The following METTL15 variants were observed in gnomAD, a reference collection of about 807,000 sequenced individuals.
The protein encoded by METTL15 is methyltransferase 15, mitochondrial 12S rRNA N4-cytidine, also known as 12S rRNA N(4)-cytidine methyltransferase METTL15.
Under a neutral mutation model 38.3 loss-of-function variants are expected in METTL15, and 34 were observed. That is an observed-to-expected ratio of 0.89 (90% CI 0.68 to 1.18). The LOEUF (loss-of-function observed/expected upper bound fraction) is 1.18. Among genes scored for constraint, METTL15 ranks in the 50% most tolerant of loss-of-function variants. The probability of loss-of-function intolerance (pLI) is 0.00; values close to 1 mark genes in which losing one functional copy is unlikely to be tolerated. For missense variants in METTL15, 438 were observed against 498.4 expected (o/e 0.88, Z 1.15); for synonymous variants, 162 against 170.9 (o/e 0.95, Z 0.41).
chr11:28,175,422 C>A lies in METTL15; in HGVS notation c.271-35640C>A, dbSNP rs544868947. Among the ~76,000 whole-genome samples the A allele has an allele frequency of 8.2e-4, 125 of 152,202 alleles. 1 individual carries two copies. The Middle Eastern group carries it at 0.014, about 17-fold the overall frequency. On this transcript the variant is annotated intron_variant, in intron 3 of 6. Coordinates refer to ENST00000407364, the MANE Select transcript of METTL15 (RefSeq NM_001113528.2). The stretch of plus-strand genomic sequence containing the variant: ...GTAATAAACATACGTATGCATGTGT[C>A]TTTATAGCAGCATGATTTATAATCC...
At chr11:28,194,370 T>C (rs913828010) in intron 3 of METTL15, among the ~76,000 whole-genome samples, 1 of 151,876 alleles carries the variant, frequency 6.6e-6, no homozygotes, top group Admixed American at 6.6e-5. Context: ...GGCTAATTTT[T>C]TGTATTTTTA....
chr11:28,120,120 T>G (rs898989486), intron 3 of METTL15, among the ~76,000 whole-genome samples: 6 of 151,930 alleles, frequency 3.9e-5, no homozygotes, highest in African/African-American at 7.3e-5. Context: ...TCCAGCTAAT[T>G]TTTTTGTATT....
intron 3 of METTL15, among the ~76,000 whole-genome samples, chr11:28,130,442 A>C (rs1190045160): frequency 6.6e-6 from 1 of 152,212 alleles, no homozygotes; most frequent in East Asian, 1.9e-4. Context: ...CATAATAGTC[A>C]TACTATTTGA....
chr11:28,262,198 A>G (rs957514027), intron 4 of METTL15, among the ~76,000 whole-genome samples: 1 of 152,054 alleles, frequency 6.6e-6, no homozygotes, highest in African/African-American at 2.4e-5. Context: ...AGTGCTAGAA[A>G]GTTTTCTGAT....
chr11:28,214,204 T>G (rs895365891), intron 4 of METTL15, among the ~76,000 whole-genome samples: 1 of 151,860 alleles, frequency 6.6e-6, no homozygotes, highest in African/African-American at 2.4e-5. Flanking sequence ...CTGTCTAATT[T>G]TTTATTTTTA....
intron 5 of METTL15, among the ~76,000 whole-genome samples, chr11:28,387,610 A>C (rs1293520212): frequency 6.6e-6 from 1 of 152,070 alleles, no homozygotes; most frequent in Non-Finnish European, 1.5e-5. Context: ...ACTTCTGGAA[A>C]ACATTTAAAG....
At chr11:28,209,726 C>T (rs192024684) in intron 3 of METTL15, among the ~76,000 whole-genome samples, 13 of 151,936 alleles carry the variant, frequency 8.6e-5, no homozygotes, top group African/African-American at 2.9e-4. Flanking sequence ...ATGGTAGATA[C>T]GAGCCAAAAA....
At chr11:28,181,138 G>A (rs1459788803) in intron 3 of METTL15, among the ~76,000 whole-genome samples, 1 of 151,266 alleles carries the variant, frequency 6.6e-6, no homozygotes, top group African/African-American at 2.4e-5. Context: ...ATGAGTAGTC[G>A]ATTATAAAAC....
At chr11:28,334,644 A>C (rs895002021), downstream of METTL15, among the ~76,000 whole-genome samples, 2 of 152,154 alleles carry the variant, frequency 1.3e-5, no homozygotes, top group African/African-American at 4.8e-5. Flanking sequence ...TGGGTTGTAT[A>C]ACAAACACAG....
chr11:28,191,921 A>T (rs1851713958), intron 3 of METTL15, among the ~76,000 whole-genome samples: 1 of 151,720 alleles, frequency 6.6e-6, no homozygotes, highest in African/African-American at 2.4e-5. Flanking sequence ...ATATTTTAAT[A>T]ATTATTATTT....
At chr11:28,251,133 A>G (rs930147011) in intron 4 of METTL15, among the ~76,000 whole-genome samples, 4 of 152,126 alleles carry the variant, frequency 2.6e-5, no homozygotes, top group African/African-American at 9.6e-5. Context: ...TGGTATTTCT[A>G]TTAACTAGAG....
chr11:28,198,956 A>AG (rs1179372305), intron 3 of METTL15, among the ~76,000 whole-genome samples: 1 of 150,700 alleles, frequency 6.6e-6, no homozygotes, highest in African/African-American at 2.4e-5. Flanking sequence ...CAAACATTTC[A>AG]GGGGCATTAT....
intron 4 of METTL15, among the ~76,000 whole-genome samples, chr11:28,224,672 T>A (rs1853398459): frequency 2.0e-5 from 3 of 151,854 alleles, no homozygotes; most frequent in African/African-American, 7.2e-5. Context: ...TTTTATCGTA[T>A]AATTATAACA....
At chr11:28,231,884 A>C (rs1477462216) in intron 4 of METTL15, among the ~76,000 whole-genome samples, 1 of 151,854 alleles carries the variant, frequency 6.6e-6, no homozygotes, top group Non-Finnish European at 1.5e-5. Context: ...ATGCTCCTTG[A>C]AGTATTGCTG....
In METTL15 at chr11:28,181,385, C is replaced by A. The variant is rs545309450; in HGVS notation, c.271-29677C>A. Among the ~76,000 whole-genome samples, 226 of 149,672 alleles carry A rather than the reference C, an allele frequency of 1.5e-3. 1 individual carries two copies. The highest frequency in any genetic ancestry group is 4.8e-3 in the African/African-American group (196 of 40,938). On this transcript the variant is annotated intron_variant, in intron 3 of 6. Transcript: ENST00000407364. ...AACCCGTCATCTACAATAGGTATTTCTCCTAATGCTATCCCTCCCCTAGTA... is the reference window on the plus strand; with the variant it reads ...AACCCGTCATCTACAATAGGTATTTATCCTAATGCTATCCCTCCCCTAGTA...
downstream of METTL15, among the ~76,000 whole-genome samples, chr11:28,528,736 T>C (rs1386519265): frequency 6.6e-6 from 1 of 152,246 alleles, no homozygotes; most frequent in Admixed American, 6.5e-5. Flanking sequence ...TATGTGTGTT[T>C]GTATCGCATA....
At chr11:28,414,422 A>G (rs1850754508) in intron 5 of METTL15, among the ~76,000 whole-genome samples, 1 of 152,094 alleles carries the variant, frequency 6.6e-6, no homozygotes, top group African/African-American at 2.4e-5. Context: ...GATGCTGGGA[A>G]ATATAGACTG....
chr11:28,122,387 A>ATATG (rs1554980104), intron 3 of METTL15, among the ~76,000 whole-genome samples: 4 of 148,856 alleles, frequency 2.7e-5, no homozygotes, highest in African/African-American at 7.3e-5. Context: ...ATATATATAT[A>ATATG]TAGTCTTTTA....
In METTL15 at chr11:28,243,808, A is replaced by T. The variant is rs541691381; in HGVS notation, c.407+32610A>T. Among the ~76,000 whole-genome samples the T allele has an allele frequency of 2.6e-5, 4 of 152,308 alleles. No homozygotes were observed. In the South Asian group the frequency reaches 8.3e-4, roughly 32 times the overall value. ...TTCCCCCGGAGAATGTCATATTGAA[A>T]GAAAAAAATAAGAACTTTTCAATAA... On this transcript the variant is annotated intron_variant, in intron 4 of 6. Coordinates refer to ENST00000407364, the MANE Select transcript of METTL15 (RefSeq NM_001113528.2).
Sources: gnomAD v4.1 joint callset for allele counts (sites outside exome capture counted in the v4.1 genomes callset) on GRCh38, gnomAD v4.1.1 for gene constraint, MANE v1.5 for transcripts, NCBI Gene and HGNC (gene_info 2026-07-23, HGNC 2026-07-21) for gene names.